Variants in CPEB3 observed in about 807,000 individuals in gnomAD.
CPEB3 encodes the protein cytoplasmic polyadenylation element-binding protein 3.
In CPEB3, 20 loss-of-function variants were observed where a neutral mutation model predicts 67.2. That is an observed-to-expected ratio of 0.30 (90% CI 0.21 to 0.43). CPEB3 has a LOEUF of 0.43. Ranked by LOEUF, CPEB3 falls within the 20% of genes least tolerant of loss-of-function variation. The probability of loss-of-function intolerance (pLI) is 1.00; values close to 1 mark genes in which losing one functional copy is unlikely to be tolerated. For synonymous variants in CPEB3, 376 were observed against 393.1 expected (o/e 0.96, Z 0.51); for missense variants, 746 against 968.6 (o/e 0.77, Z 3.05).
At position 92,111,096 on chromosome 10, in the gene CPEB3, G is replaced by T; in HGVS notation, c.1552C>A (p.Pro518Thr). Residue 518 changes from proline (P) to threonine (T), a missense_variant, in exon 7 of 10, where the codon CCC becomes ACC. Around this residue, in one of 2 missense-constraint regions of CPEB3, gnomAD observed 103 missense variants for 251.1 expected, o/e 0.41. Transcript: ENST00000265997. ...DGKLYLCVSSPTIKDKPVQIR... is the reference protein window; with the variant it reads ...DGKLYLCVSSTTIKDKPVQIR... Reference sequence around the variant, plus strand: ...CTTACTGGCTTGTCCTTGATGGTGGGGCTTGACACACACAGGTAGAGTTTC... The same window carrying T: ...CTTACTGGCTTGTCCTTGATGGTGGTGCTTGACACACACAGGTAGAGTTTC... 6.2e-7 allele frequency: 1 copy of T among 1,613,214 alleles called. No homozygotes were observed. Among genetic ancestry groups the T allele is most frequent in the Non-Finnish European group, 8.5e-7 (1 of 1,179,160 alleles).
chr10:92,103,605 A>G (rs1844296504), intron 7 of CPEB3, among the ~76,000 whole-genome samples: 1 of 152,242 alleles, frequency 6.6e-6, no homozygotes. Context: ...ACAAGTCAAC[A>G]TGAATTTTTA....
chr10:92,214,839 T>C (rs1355742168), intron 2 of CPEB3, among the ~76,000 whole-genome samples: 1 of 151,942 alleles, frequency 6.6e-6, no homozygotes, highest in Non-Finnish European at 1.5e-5. Flanking sequence ...CTAACATCAG[T>C]AAAAGTTTTT....
chr10:92,195,442 C>A (rs1849196620), intron 2 of CPEB3, among the ~76,000 whole-genome samples: 1 of 152,166 alleles, frequency 6.6e-6, no homozygotes. Context: ...AGGAGTAAAG[C>A]TGAATTTCCA....
chr10:92,206,219 G>A (rs1020224956), intron 2 of CPEB3, among the ~76,000 whole-genome samples: 17 of 151,718 alleles, frequency 1.1e-4, no homozygotes, highest in African/African-American at 1.9e-4. Context: ...TTACAGGCAC[G>A]CGCCACCACG....
rs183365876 is a variant in CPEB3, at chr10:92,134,039, C to T, written c.1453+8990G>A. Among the ~76,000 whole-genome samples, 409 of 152,068 alleles carry T rather than the reference C, an allele frequency of 2.7e-3. 3 individuals are homozygous for T. Among genetic ancestry groups the T allele is most frequent in the African/African-American group, 9.5e-3 (395 of 41,490 alleles). Reference sequence around the variant, plus strand: ...ATCTCAAAATAATAAGAGCTATTTACGACAAACCCACAGCCAATATCATAC... The same window carrying T: ...ATCTCAAAATAATAAGAGCTATTTATGACAAACCCACAGCCAATATCATAC... On this transcript the variant is annotated intron_variant, in intron 6 of 9. Coordinates refer to ENST00000265997, the MANE Select transcript of CPEB3 (RefSeq NM_014912.5).
At position 92,052,027 on chromosome 10, in the gene CPEB3, T is replaced by C; in HGVS notation, c.*185A>G. The C allele has an allele frequency of 1.8e-6, 1 of 570,590 alleles. No individual in the cohort carries two copies. Among genetic ancestry groups the C allele is most frequent in the South Asian group, 2.2e-5 (1 of 45,178 alleles). 35.3% of individuals were successfully genotyped at this position (570,590 alleles called of 1,614,324 possible). A position where few individuals can be genotyped will look rare whatever the true frequency, so the allele number is the denominator to read the frequency against. On this transcript the variant is annotated 3_prime_UTR_variant, in exon 10 of 10. Transcript: ENST00000265997. ...TTCTACACTCTGCAATTCTGCATTA[T>C]ACTGGACACTGAGTTCAGTAATATG...
rs909540506 is a variant in CPEB3 at position 92,284,184 on chromosome 10, A to G, written c.-12+6742T>C. On this transcript the variant is annotated intron_variant, in intron 1 of 9. Coordinates refer to ENST00000265997, the MANE Select transcript of CPEB3 (RefSeq NM_014912.5). ...CTCTTGACTAGCTGGGACTACAGGC[A>G]CACACCACCACACCCAGCTAATTTT... Among the ~76,000 whole-genome samples, 7 of 151,764 alleles carry G rather than the reference A, an allele frequency of 4.6e-5. 1 individual carries two copies. The highest frequency in any genetic ancestry group is 9.7e-5 in the African/African-American group (4 of 41,346).
chr10:92,139,925 T>C (rs1376357451), intron 6 of CPEB3, among the ~76,000 whole-genome samples: 4 of 151,822 alleles, frequency 2.6e-5, no homozygotes, highest in African/African-American at 7.2e-5. Flanking sequence ...TTACAAAAAT[T>C]AGCCGGGTAT....
intron 1 of CPEB3, among the ~76,000 whole-genome samples, chr10:92,251,692 G>A (rs989447598): frequency 1.3e-5 from 2 of 151,900 alleles, no homozygotes; most frequent in Non-Finnish European, 2.9e-5. Context: ...AGGCCTAATT[G>A]TAAAATATAA....
At chr10:92,269,052 C>G (rs112461946) in intron 1 of CPEB3, among the ~76,000 whole-genome samples, 2 of 152,154 alleles carry the variant, frequency 1.3e-5, no homozygotes, top group African/African-American at 4.8e-5. Context: ...CAGTCACATC[C>G]TCAAATGAGT....
intron 6 of CPEB3, among the ~76,000 whole-genome samples, chr10:92,115,096 G>C (rs1844944009): frequency 6.6e-6 from 1 of 152,188 alleles, no homozygotes; most frequent in Admixed American, 6.5e-5. Context: ...AAAGAGCTGC[G>C]GGGCGCGGGA....
chr10:92,137,707 G>A (rs1846171494), intron 6 of CPEB3: 1 of 437,696 alleles, frequency 2.3e-6, no homozygotes, highest in East Asian at 4.6e-5. Flanking sequence ...GAAAGAAGGT[G>A]GATTGGCTCG....
At chr10:92,059,140 A>G (rs1237610795) in intron 9 of CPEB3, among the ~76,000 whole-genome samples, 1 of 152,012 alleles carries the variant, frequency 6.6e-6, no homozygotes, top group African/African-American at 2.4e-5. Context: ...CAGCCTGACT[A>G]ACATGGTGAA....
intron 6 of CPEB3, among the ~76,000 whole-genome samples, chr10:92,134,357 T>G (rs772116486): frequency 9.2e-5 from 14 of 152,002 alleles, no homozygotes; most frequent in Non-Finnish European, 1.9e-4. Flanking sequence ...ATCACAAGCG[T>G]TCCTATATAC....
chr10:92,163,336 A>T (rs1847587098), intron 4 of CPEB3, among the ~76,000 whole-genome samples: 1 of 152,192 alleles, frequency 6.6e-6, no homozygotes, highest in Non-Finnish European at 1.5e-5. Flanking sequence ...CGGGAGGCTG[A>T]GGCAGGAGAA....
At chr10:92,212,653 A>C (rs1850154862) in intron 2 of CPEB3, among the ~76,000 whole-genome samples, 1 of 152,230 alleles carries the variant, frequency 6.6e-6, no homozygotes. Flanking sequence ...TGTATTTGTA[A>C]AGTACCCACC....
intron 6 of CPEB3, among the ~76,000 whole-genome samples, chr10:92,112,126 C>CTTTT (rs201432910): frequency 3.0e-4 from 37 of 122,052 alleles, no homozygotes; most frequent in Non-Finnish European, 3.6e-4. Context: ...GACCACGTTC[C>CTTTT]TTTTTTTTTT....
intron 9 of CPEB3, among the ~76,000 whole-genome samples, chr10:92,080,927 A>T (rs1377600045): frequency 6.6e-6 from 1 of 152,080 alleles, no homozygotes; most frequent in Non-Finnish European, 1.5e-5. Context: ...CAGAAGTTCA[A>T]CATCTCATAC....
intron 4 of CPEB3, among the ~76,000 whole-genome samples, chr10:92,175,466 TC>T (rs1848183161): frequency 6.6e-6 from 1 of 152,034 alleles, no homozygotes; most frequent in African/African-American, 2.4e-5. Context: ...CCAGGAGAAC[TC>T]CCGCATCATA....
Sources: allele counts gnomAD v4.1 joint callset (sites outside exome capture counted in the v4.1 genomes callset), GRCh38; gene constraint gnomAD v4.1.1; regional missense constraint gnomAD v4.1.1; transcripts MANE v1.5; gene names NCBI Gene and HGNC (gene_info 2026-07-23, HGNC 2026-07-21).